Variants in VPS13A observed in about 807,000 individuals in gnomAD.
VPS13A encodes vacuolar protein sorting 13 homolog A, also known as intermembrane lipid transfer protein VPS13A.
Under a neutral mutation model 390.9 loss-of-function variants are expected in VPS13A, and 264 were observed. The observed-to-expected ratio is 0.68, with a 90% CI of 0.61 to 0.75. The LOEUF is 0.75. Ranked by LOEUF, VPS13A falls within the 30% of genes least tolerant of loss-of-function variation. The probability of loss-of-function intolerance (pLI) is 0.00; values close to 1 mark genes in which losing one functional copy is unlikely to be tolerated. For missense variants in VPS13A, 3,409 were observed against 3,733.9 expected (o/e 0.91, Z 2.27); for synonymous variants, 1,231 against 1,227.1 (o/e 1.00, Z -0.07).
intron 68 of VPS13A, among the ~76,000 whole-genome samples, chr9:77,402,161 A>G (rs1421484548): frequency 6.6e-6 from 1 of 152,194 alleles, no homozygotes; most frequent in East Asian, 1.9e-4. Context: ...GTAAATAGTA[A>G]AGATATTCTT....
chr9:77,216,846 T>C (rs1393956544), intron 10 of VPS13A, among the ~76,000 whole-genome samples: 1 of 152,116 alleles, frequency 6.6e-6, no homozygotes, highest in East Asian at 1.9e-4. Context: ...ATTTGAATGT[T>C]TGAGGGCAGG....
At position 77,213,709 on chromosome 9, in the gene VPS13A, G is replaced by T. The variant is rs567550537; in HGVS notation, c.696+395G>T. On this transcript the variant is annotated intron_variant, in intron 9 of 71. Coordinates refer to ENST00000360280, the MANE Select transcript of VPS13A (RefSeq NM_033305.3). ...TAGAGACAAGGTCTCACTTTTTGTTGCCCAAATTTGTCTCAAACTCCTGGC... is the reference window on the plus strand; with the variant it reads ...TAGAGACAAGGTCTCACTTTTTGTTTCCCAAATTTGTCTCAAACTCCTGGC... Among the ~76,000 whole-genome samples, 3 of 151,560 alleles carry T rather than the reference G, an allele frequency of 2.0e-5. No individual in the cohort carries two copies. In the East Asian group the frequency reaches 5.9e-4, roughly 30 times the overall value.
intron 31 of VPS13A, among the ~76,000 whole-genome samples, chr9:77,284,290 C>T (rs958457308): frequency 1.3e-5 from 2 of 152,020 alleles, no homozygotes; most frequent in African/African-American, 4.8e-5. Flanking sequence ...AACTGAAGTA[C>T]TTGTTGAGTC....
At chr9:77,188,076 G>T (rs910332330) in intron 1 of VPS13A, among the ~76,000 whole-genome samples, 1 of 152,118 alleles carries the variant, frequency 6.6e-6, no homozygotes, top group Admixed American at 6.5e-5. Flanking sequence ...GCAAGATCTG[G>T]TTAAGTGTGT....
intron 33 of VPS13A, 139 bp from the exon 34 acceptor site, chr9:77,302,776 T>C (rs771503014): frequency 2.3e-6 from 2 of 888,868 alleles, no homozygotes; most frequent in Non-Finnish European, 3.4e-6. Flanking sequence ...AAAAAAAGTC[T>C]GATAGATATT....
chr9:77,415,047 A>G (rs994661735), intron 71 of VPS13A, among the ~76,000 whole-genome samples: 2 of 152,220 alleles, frequency 1.3e-5, no homozygotes, highest in African/African-American at 2.4e-5. Flanking sequence ...GGAAAACACA[A>G]AAGGAGCAAG....
In VPS13A at chr9:77,418,426, G is replaced by C. The variant is rs140054883; in HGVS notation, c.*2420G>C. 91 of 152,350 alleles carry C rather than the reference G, an allele frequency of 6.0e-4. No individual in the cohort carries two copies. Among genetic ancestry groups the C allele is most frequent in the African/African-American group, 2.1e-3 (87 of 41,576 alleles). The allele number at this position is 152,350 out of a possible 1,614,324, so 9.4% of individuals were successfully genotyped here. ...CACCAGAAAATCATAATCAGAAAGAGTGACTTTGATTTCTGGTACTTGTGA... is the reference window on the plus strand; with the variant it reads ...CACCAGAAAATCATAATCAGAAAGACTGACTTTGATTTCTGGTACTTGTGA... On this transcript the variant is annotated 3_prime_UTR_variant, in exon 72 of 72. Transcript: ENST00000360280.
chr9:77,302,854 C>G (rs776812476), intron 33 of VPS13A, 61 bp from the exon 34 acceptor site: 2 of 1,523,028 alleles, frequency 1.3e-6, no homozygotes, highest in East Asian at 4.5e-5. Flanking sequence ...TTAAGTTAAT[C>G]TTTTTTTAAC....
At chr9:77,309,989 G>A (rs563080501) in intron 35 of VPS13A, among the ~76,000 whole-genome samples, 16 of 152,186 alleles carry the variant, frequency 1.1e-4, no homozygotes, top group African/African-American at 3.4e-4. Context: ...TCCCTGGATG[G>A]TAGAAGACAA....
At chr9:77,377,235 C>T (rs1230414948) in intron 67 of VPS13A, among the ~76,000 whole-genome samples, 3 of 74,754 alleles carry the variant, frequency 4.0e-5, no homozygotes, top group Admixed American at 2.1e-4. Flanking sequence ...TTTTTTGAGA[C>T]GGAGTCTCGC....
At chr9:77,305,359 T>A (rs1828676058) in intron 34 of VPS13A, among the ~76,000 whole-genome samples, 1 of 152,246 alleles carries the variant, frequency 6.6e-6, no homozygotes, top group African/African-American at 2.4e-5. Context: ...ATGGAAGTTA[T>A]CTTTTTAAGA....
intron 71 of VPS13A, 103 bp from the exon 72 acceptor site, chr9:77,415,853 C>T: frequency 7.2e-7 from 1 of 1,379,918 alleles, no homozygotes; most frequent in Non-Finnish European, 1.0e-6. Context: ...AGTATTACAC[C>T]TAACTAAACT....
chr9:77,285,094 G>A (rs567986061), intron 31 of VPS13A, among the ~76,000 whole-genome samples: 8 of 152,220 alleles, frequency 5.3e-5, no homozygotes, highest in African/African-American at 1.7e-4. Context: ...TTGTCTTCTT[G>A]CACGATTTTC....
At chr9:77,330,213 A>G (rs1287605678) in intron 45 of VPS13A, among the ~76,000 whole-genome samples, 1 of 152,092 alleles carries the variant, frequency 6.6e-6, no homozygotes, top group Non-Finnish European at 1.5e-5. Flanking sequence ...ACAGGGTCTC[A>G]CTATATTGCC....
chr9:77,181,939 G>C (rs1264787218), intron 1 of VPS13A, among the ~76,000 whole-genome samples: 1 of 152,164 alleles, frequency 6.6e-6, no homozygotes, highest in South Asian at 2.1e-4. Flanking sequence ...TTCCAGGACT[G>C]ACTCTTGGCA....
At chr9:77,348,214 G>A (rs1321402599) in intron 52 of VPS13A, among the ~76,000 whole-genome samples, 1 of 152,050 alleles carries the variant, frequency 6.6e-6, no homozygotes. Context: ...CAAAGACATG[G>A]AATCAACCCA....
chr9:77,314,159 A>G (rs1338353955), intron 36 of VPS13A, 40 bp downstream of exon 36: 1 of 1,608,762 alleles, frequency 6.2e-7, no homozygotes, highest in Non-Finnish European at 8.5e-7. Flanking sequence ...TTCACATGTG[A>G]AATTTGCATA....
In VPS13A at chr9:77,340,291, A is replaced by G. The variant is rs1830743654; in HGVS notation, c.6879+9A>G. Reference sequence around the variant, plus strand: ...TGAAAATGGACTATCAAGTGAGTTCATTCTATGCTTATCAAGAAACTTTTA... The same window carrying G: ...TGAAAATGGACTATCAAGTGAGTTCGTTCTATGCTTATCAAGAAACTTTTA... On this transcript the variant is annotated intron_variant, in intron 49 of 71. Transcript: ENST00000360280. 1.2e-6 allele frequency: 2 copies of G among 1,610,876 alleles called. No individual in the cohort carries two copies. Among genetic ancestry groups the G allele is most frequent in the Non-Finnish European group, 1.7e-6 (2 of 1,177,948 alleles).
At chr9:77,344,690 T>G (rs1044573987) in intron 51 of VPS13A, among the ~76,000 whole-genome samples, 1 of 148,756 alleles carries the variant, frequency 6.7e-6, no homozygotes, top group African/African-American at 2.5e-5. Context: ...ACCCGGGAGG[T>G]GGAGCTTGCA....
Sources: allele counts gnomAD v4.1 joint callset (sites outside exome capture counted in the v4.1 genomes callset), GRCh38; gene constraint gnomAD v4.1.1; transcripts MANE v1.5; gene names NCBI Gene and HGNC (gene_info 2026-07-23, HGNC 2026-07-21).